Variants in OVOL2 observed in about 807,000 individuals in gnomAD.
The protein encoded by OVOL2 is ovo like zinc finger 2.
A neutral mutation model predicts 18.1 loss-of-function variants in OVOL2; 13 were observed. The observed-to-expected ratio is 0.72, with a 90% CI of 0.47 to 1.14. OVOL2 has a LOEUF of 1.14. Among genes scored for constraint, OVOL2 ranks in the 50% most tolerant of loss-of-function variants. The pLI, the probability that OVOL2 is intolerant of heterozygous loss-of-function variation, is 0.00. For missense variants in OVOL2, 335 were observed against 383.0 expected (o/e 0.87, Z 1.05); for synonymous variants, 166 against 162.7 (o/e 1.02, Z -0.16).
At chr20:18,041,988 G>A (rs1037195494) in intron 2 of OVOL2, among the ~76,000 whole-genome samples, 7 of 145,366 alleles carry the variant, frequency 4.8e-5, no homozygotes, top group African/African-American at 1.3e-4. Context: ...TCAGCTCACC[G>A]TAACCTCCAC....
rs1016236670 is a variant in OVOL2, at chr20:18,056,442, G to C, written c.321+215C>G. On this transcript the variant is annotated intron_variant, in intron 2 of 3. Transcript: ENST00000278780. The surrounding 1 kb of genome is among the most constrained non-coding windows in gnomAD (Gnocchi z 4.2). ...GAGGACGGAGCCCACTCCGGGAACC[G>C]GCCGCCCCTGCGCAGCAGCTACCCT... Among the ~76,000 whole-genome samples the C allele has an allele frequency of 6.6e-6, 1 of 152,008 alleles. No homozygotes were observed. The highest frequency in any genetic ancestry group is 2.4e-5 in the African/African-American group (1 of 41,434).
chr20:18,039,405 T>C (rs1730338031), intron 3 of OVOL2, among the ~76,000 whole-genome samples: 1 of 152,020 alleles, frequency 6.6e-6, no homozygotes, highest in Admixed American at 6.6e-5. Context: ...GTGGATGGCT[T>C]GAGCCCAGGA....
In OVOL2 at chr20:18,057,240, G is replaced by A. The variant is rs2036837743; in HGVS notation, c.100+295C>T. Reference sequence around the variant, plus strand: ...CACCCCCATGAGGACGTGAGATTGGGGGTAGCCTCTGCTGGCTTTCAATCC... The same window carrying A: ...CACCCCCATGAGGACGTGAGATTGGAGGTAGCCTCTGCTGGCTTTCAATCC... On this transcript the variant is annotated intron_variant, in intron 1 of 3. Transcript: ENST00000278780. This position sits in a 1 kb window ranked among gnomAD's most constrained non-coding sequence, Gnocchi z 6.3. 2.0e-5 allele frequency among the ~76,000 whole-genome samples: 3 copies of A among 152,108 alleles called. No homozygotes were observed. Among genetic ancestry groups the A allele is most frequent in the Admixed American group, 2.0e-4 (3 of 15,286 alleles).
chr20:18,035,036 C>T (rs979638765), intron 3 of OVOL2, among the ~76,000 whole-genome samples: 1 of 152,126 alleles, frequency 6.6e-6, no homozygotes, highest in Admixed American at 6.6e-5. Flanking sequence ...ACAAACATAC[C>T]CCTCATTTAA....
chr20:18,030,818 G>C lies in OVOL2; in HGVS notation c.512-5866C>G, dbSNP rs145571305. On this transcript the variant is annotated intron_variant, in intron 3 of 3. Coordinates refer to ENST00000278780, the MANE Select transcript of OVOL2 (RefSeq NM_021220.4). ...CACTGCTCTGTGCCCCAGCACTTCT[G>C]CTTCCCCATTTGCTAGTGTAAACGC... 5.9e-5 allele frequency among the ~76,000 whole-genome samples: 9 copies of C among 152,282 alleles called. No individual in the cohort carries two copies. The East Asian group carries it at 1.7e-3, about 29-fold the overall frequency.
At chr20:18,042,074 G>A (rs1600444850) in intron 2 of OVOL2, among the ~76,000 whole-genome samples, 1 of 151,636 alleles carries the variant, frequency 6.6e-6, no homozygotes, top group East Asian at 2.0e-4. Context: ...AACCACGCCT[G>A]GCTAATTTTT....
At position 18,031,564 on chromosome 20, in the gene OVOL2, G is replaced by A. The variant is rs142013420; in HGVS notation, c.512-6612C>T. Among the ~76,000 whole-genome samples, 478 of 152,278 alleles carry A rather than the reference G, an allele frequency of 3.1e-3. 5 individuals are homozygous for A. Among genetic ancestry groups the A allele is most frequent in the African/African-American group, 0.011 (452 of 41,544 alleles). On this transcript the variant is annotated intron_variant, in intron 3 of 3. Coordinates refer to ENST00000278780, the MANE Select transcript of OVOL2 (RefSeq NM_021220.4). ...TGCACTCCAACCTGGGTAACGGAGC[G>A]AGACTCTATCTCAGAAAAAAAACAA...
rs556389359 is a variant in OVOL2 at position 18,044,720 on chromosome 20, C to T, written c.322-2997G>A. The stretch of plus-strand genomic sequence containing the variant: ...TTGACATCTGAGAGGCCCAGGGGTC[C>T]GAGGGGGCACCTACCCCAGACCTAC... On this transcript the variant is annotated intron_variant, in intron 2 of 3. Coordinates refer to ENST00000278780, the MANE Select transcript of OVOL2 (RefSeq NM_021220.4). 9.9e-5 allele frequency among the ~76,000 whole-genome samples: 15 copies of T among 152,138 alleles called. No individual in the cohort carries two copies. In the East Asian group the frequency reaches 1.5e-3, roughly 16 times the overall value.
intron 3 of OVOL2, among the ~76,000 whole-genome samples, chr20:18,031,764 T>G (rs748902121): frequency 6.6e-6 from 1 of 152,316 alleles, no homozygotes; most frequent in South Asian, 2.1e-4. Context: ...TCTGCCCTTT[T>G]GAATTTTGTA....
At chr20:18,045,744 G>A (rs1282138523) in intron 2 of OVOL2, among the ~76,000 whole-genome samples, 2 of 152,168 alleles carry the variant, frequency 1.3e-5, no homozygotes, top group Admixed American at 6.5e-5. Flanking sequence ...CTCCCAAAGT[G>A]CTGGGATTAC....
At chr20:18,039,927 C>T (rs904432191) in intron 3 of OVOL2, among the ~76,000 whole-genome samples, 1 of 151,152 alleles carries the variant, frequency 6.6e-6, no homozygotes, top group Non-Finnish European at 1.5e-5. Flanking sequence ...ATAGCAAACC[C>T]TTTTTTTTTC....
chr20:18,030,425 T>C (rs1427369553), intron 3 of OVOL2, among the ~76,000 whole-genome samples: 2 of 152,328 alleles, frequency 1.3e-5, no homozygotes, highest in South Asian at 2.1e-4. Context: ...CATCAGGCTT[T>C]AACCTGGATG....
intron 3 of OVOL2, among the ~76,000 whole-genome samples, chr20:18,029,994 A>G (rs1203847210): frequency 6.6e-6 from 1 of 152,064 alleles, no homozygotes; most frequent in Non-Finnish European, 1.5e-5. Context: ...ACAGAAAACA[A>G]ACAAACCAAC....
At chr20:18,040,760 C>A (rs2036660529) in intron 3 of OVOL2, among the ~76,000 whole-genome samples, 1 of 152,168 alleles carries the variant, frequency 6.6e-6, no homozygotes, top group Admixed American at 6.5e-5. Flanking sequence ...TGCTTGCCTG[C>A]CAGGCTCCAG....
intron 3 of OVOL2, among the ~76,000 whole-genome samples, chr20:18,032,386 AAGGAAGGAAGGG>A (rs949544016): frequency 6.7e-5 from 10 of 150,260 alleles, no homozygotes; most frequent in Admixed American, 3.3e-4. Flanking sequence ...AGGAGGAAGG[AAGGAAGGAAGGG>A]AGGAAGGAAG....
In OVOL2 at chr20:18,042,984, G is replaced by T. The variant is rs765191409; in HGVS notation, c.322-1261C>A. Among the ~76,000 whole-genome samples, 78 of 152,218 alleles carry T rather than the reference G, an allele frequency of 5.1e-4. 1 individual carries two copies. Among genetic ancestry groups the T allele is most frequent in the Admixed American group, 8.5e-4 (13 of 15,272 alleles). On this transcript the variant is annotated intron_variant, in intron 2 of 3. Transcript: ENST00000278780. Reference sequence around the variant, plus strand: ...TTCTCTATAAATTAGCCAGTCTCAGGTATTCTTTATGGCAACGCAAAATGG... The same window carrying T: ...TTCTCTATAAATTAGCCAGTCTCAGTTATTCTTTATGGCAACGCAAAATGG...
At chr20:18,024,989 C>A in intron 3 of OVOL2, 37 bp from the exon 4 acceptor site, 3 of 1,579,616 alleles carry the variant, frequency 1.9e-6, no homozygotes, top group South Asian at 2.3e-5. Context: ...ATCGGTTGGT[C>A]ATGGCCAAGC....
intron 3 of OVOL2, among the ~76,000 whole-genome samples, chr20:18,038,490 GC>G (rs1405867782): frequency 6.6e-6 from 1 of 152,150 alleles, no homozygotes; most frequent in Non-Finnish European, 1.5e-5. Context: ...CTATGTGACC[GC>G]CTCAACTTGT....
chr20:18,050,173 C>G (rs970546480), intron 2 of OVOL2, among the ~76,000 whole-genome samples: 3 of 152,186 alleles, frequency 2.0e-5, no homozygotes, highest in African/African-American at 7.2e-5. Context: ...ACCGCCGAAG[C>G]TAGAGAAGTG....
Sources: gnomAD v4.1 joint callset for allele counts (sites outside exome capture counted in the v4.1 genomes callset) on GRCh38, gnomAD v4.1.1 for gene constraint, Gnocchi (gnomAD v3.1) non-coding constraint, MANE v1.5 for transcripts, NCBI Gene and HGNC (gene_info 2026-07-23, HGNC 2026-07-21) for gene names.